NSMCE1: variants seen among roughly 807,000 people sequenced by gnomAD.
NSMCE1 encodes the protein non-structural maintenance of chromosomes element 1 homolog.
In NSMCE1, 18 loss-of-function variants were observed where a neutral mutation model predicts 29.6. That is an observed-to-expected ratio of 0.61 (90% confidence interval 0.42 to 0.90). The LOEUF (loss-of-function observed/expected upper bound fraction) is 0.90, where lower values mean the gene tolerates loss of function less well. NSMCE1 is among the 40% of genes least tolerant of loss of function. The pLI is 0.00. For synonymous variants in NSMCE1, 124 were observed against 133.4 expected (o/e 0.93, Z 0.49); for missense variants, 314 against 343.6 (o/e 0.91, Z 0.68).
At chr16:27,226,981 C>A in intron 5 of NSMCE1, 145 bp from the exon 6 acceptor site, 1 of 633,844 alleles carries the variant, frequency 1.6e-6, no homozygotes, top group Non-Finnish European at 2.8e-6. Flanking sequence ...CAACGGGCAT[C>A]AGCCACATCC....
chr16:27,251,056 G>A (rs2084022447), intron 2 of NSMCE1, among the ~76,000 whole-genome samples: 1 of 148,058 alleles, frequency 6.8e-6, no homozygotes, highest in Non-Finnish European at 1.5e-5. Context: ...GGTCAGGCTA[G>A]TCTCGAACTC....
At chr16:27,257,311 T>G in intron 2 of NSMCE1, 124 bp downstream of exon 2, 1 of 715,440 alleles carries the variant, frequency 1.4e-6, no homozygotes, top group Non-Finnish European at 2.1e-6. Context: ...TGTAAGATTG[T>G]GAAGAGGCTT....
chr16:27,243,267 T>C (rs1047335898), intron 2 of NSMCE1, among the ~76,000 whole-genome samples: 5 of 152,212 alleles, frequency 3.3e-5, no homozygotes, highest in Admixed American at 6.6e-5. Flanking sequence ...CCAATTCCGA[T>C]GTGGGCAGGA....
At chr16:27,267,753 A>T (rs1406962196) in intron 1 of NSMCE1, among the ~76,000 whole-genome samples, 1 of 148,828 alleles carries the variant, frequency 6.7e-6, no homozygotes, top group East Asian at 2.0e-4. Flanking sequence ...TTTGAGACGG[A>T]GTTTCGCTCT....
chr16:27,236,271 T>G (rs1306981915), intron 2 of NSMCE1, among the ~76,000 whole-genome samples: 1 of 150,708 alleles, frequency 6.6e-6, no homozygotes, highest in African/African-American at 2.4e-5. Context: ...GCCAGCGTTG[T>G]GTCCCTTTTA....
At chr16:27,257,406 C>A (rs1289375490) in intron 2 of NSMCE1, 29 bp downstream of exon 2, 1 of 1,583,846 alleles carries the variant, frequency 6.3e-7, no homozygotes, top group South Asian at 1.1e-5. Flanking sequence ...AGCACCAGAG[C>A]GCCCTGGGAA....
intron 1 of NSMCE1, among the ~76,000 whole-genome samples, chr16:27,260,615 T>C (rs1409652628): frequency 1.3e-5 from 2 of 152,102 alleles, no homozygotes; most frequent in Non-Finnish European, 2.9e-5. Flanking sequence ...CTCTATATTA[T>C]AAGAGTTCCT....
intron 2 of NSMCE1, among the ~76,000 whole-genome samples, chr16:27,237,964 C>T (rs2083844529): frequency 2.6e-5 from 4 of 152,214 alleles, no homozygotes; most frequent in African/African-American, 9.6e-5. Flanking sequence ...TTTCCTTCCA[C>T]ACGCTTCCTG....
At chr16:27,236,222 C>T (rs2083823003) in intron 2 of NSMCE1, among the ~76,000 whole-genome samples, 1 of 151,962 alleles carries the variant, frequency 6.6e-6, no homozygotes, top group Non-Finnish European at 1.5e-5. Context: ...CCTGTGGCAC[C>T]AGGAAGCCTC....
At chr16:27,229,403 C>G (rs1028517516) in intron 5 of NSMCE1, among the ~76,000 whole-genome samples, 1 of 152,234 alleles carries the variant, frequency 6.6e-6, no homozygotes, top group Admixed American at 6.5e-5. Context: ...GGAGCGGCCA[C>G]CAGCTCTGGC....
intron 2 of NSMCE1, among the ~76,000 whole-genome samples, chr16:27,256,804 AG>A (rs1455747802): frequency 6.6e-6 from 1 of 152,120 alleles, no homozygotes; most frequent in East Asian, 1.9e-4. Flanking sequence ...CACACTCTTC[AG>A]GTCCGGCCCA....
intron 2 of NSMCE1, among the ~76,000 whole-genome samples, chr16:27,250,843 GT>G (rs200523800): frequency 0.3 from 37,156 of 122,586 alleles, 4,807 homozygotes; most frequent in East Asian, 0.4. Context: ...AATTTTAACT[GT>G]TTTTTTTTTT....
intron 2 of NSMCE1, among the ~76,000 whole-genome samples, chr16:27,247,222 G>A (rs1461772065): frequency 6.6e-6 from 1 of 152,172 alleles, no homozygotes; most frequent in East Asian, 1.9e-4. Context: ...ATTGAATCAT[G>A]GGGGCAGTTA....
chr16:27,258,718 A>G (rs2084116620), intron 1 of NSMCE1, among the ~76,000 whole-genome samples: 1 of 152,136 alleles, frequency 6.6e-6, no homozygotes, highest in Non-Finnish European at 1.5e-5. Flanking sequence ...TAAGAGATCC[A>G]CAAGACTGCT....
In NSMCE1 at chr16:27,225,292, G is replaced by T; in HGVS notation, c.722-56C>A. Reference sequence around the variant, plus strand: ...TGAATGGAGGGGCTGGCAGCACAGGGGCACCAGCTGGAGCCAGCAGCTACG... The same window carrying T: ...TGAATGGAGGGGCTGGCAGCACAGGTGCACCAGCTGGAGCCAGCAGCTACG... On this transcript the variant is annotated intron_variant, in intron 7 of 7. Transcript: ENST00000361439. The T allele has an allele frequency of 2.9e-6, 3 of 1,042,466 alleles. No homozygotes were observed. The South Asian group carries it at 4.0e-5, about 14-fold the overall frequency. 64.6% of individuals were successfully genotyped at this position (1,042,466 alleles called of 1,614,324 possible).
chr16:27,234,872 G>T (rs2083801914), intron 3 of NSMCE1, among the ~76,000 whole-genome samples: 2 of 152,220 alleles, frequency 1.3e-5, no homozygotes, highest in South Asian at 4.1e-4. Flanking sequence ...GGTGAACGGG[G>T]AGTCGGCGGC....
At chr16:27,257,735 G>C (rs562814830) in intron 1 of NSMCE1, among the ~76,000 whole-genome samples, 154 bp from the exon 2 acceptor site, 1 of 152,154 alleles carries the variant, frequency 6.6e-6, no homozygotes, top group African/African-American at 2.4e-5. Context: ...AGAAGAACAC[G>C]AGTCACAGCA....
chr16:27,257,256 G>T (rs1302136878), intron 2 of NSMCE1, 179 bp downstream of exon 2: 2 of 495,778 alleles, frequency 4.0e-6, no homozygotes, highest in Non-Finnish European at 6.8e-6. Flanking sequence ...AGGTTTACTT[G>T]GAAAAAAAAT....
In NSMCE1 at chr16:27,251,309, T is replaced by C. The variant is rs112921969; in HGVS notation, c.136+6126A>G. Among the ~76,000 whole-genome samples, 1,248 of 151,388 alleles carry C rather than the reference T, an allele frequency of 8.2e-3. 11 individuals carry two copies. The highest frequency in any genetic ancestry group is 0.028 in the African/African-American group (1,157 of 41,326). ...CCTTAGCTTCCTATAAAAAACTTTC[T>C]GCTACATCACACCAGGGCAAACATG... On this transcript the variant is annotated intron_variant, in intron 2 of 7. Transcript: ENST00000361439.
Sources: gnomAD v4.1 joint callset for allele counts (sites outside exome capture counted in the v4.1 genomes callset) on GRCh38, gnomAD v4.1.1 for gene constraint, MANE v1.5 for transcripts, NCBI Gene and HGNC (gene_info 2026-07-23, HGNC 2026-07-21) for gene names.